RPS6KA5: variants seen among roughly 807,000 people sequenced by gnomAD.
The protein encoded by RPS6KA5 is ribosomal protein S6 kinase A5, also known as ribosomal protein S6 kinase alpha-5.
A neutral mutation model predicts 85.5 loss-of-function variants in RPS6KA5; 27 were observed. That is an observed-to-expected ratio of 0.32 (90% CI 0.23 to 0.44). RPS6KA5 has a LOEUF of 0.44. Ranked by LOEUF, RPS6KA5 falls within the 20% of genes least tolerant of loss-of-function variation. The pLI is 1.00. For missense variants in RPS6KA5, 811 were observed against 980.9 expected, an observed-to-expected ratio of 0.83 and a Z score of 2.31; for synonymous variants, 334 against 348.2, an observed-to-expected ratio of 0.96 and a Z score of 0.46.
intron 14 of RPS6KA5, among the ~76,000 whole-genome samples, chr14:90,879,036 C>T (rs2033658771): frequency 6.6e-6 from 1 of 152,186 alleles, no homozygotes; most frequent in Non-Finnish European, 1.5e-5. Flanking sequence ...AAGGTGGGGC[C>T]TTCTGTGGCA....
intron 10 of RPS6KA5, 21 bp downstream of exon 10, chr14:90,900,590 T>G (rs1243241354): frequency 6.2e-7 from 1 of 1,604,514 alleles, no homozygotes; most frequent in Non-Finnish European, 8.5e-7. Context: ...ATATGTCATA[T>G]AAGTTACCAC....
chr14:91,045,027 G>A (rs766778936), intron 1 of RPS6KA5, among the ~76,000 whole-genome samples: 11 of 152,134 alleles, frequency 7.2e-5, no homozygotes, highest in Non-Finnish European at 8.8e-5. Flanking sequence ...TTTACCCACA[G>A]CCTCCAGACA....
At chr14:91,042,533 C>T (rs2042644902) in intron 1 of RPS6KA5, among the ~76,000 whole-genome samples, 1 of 151,894 alleles carries the variant, frequency 6.6e-6, no homozygotes, top group African/African-American at 2.4e-5. Flanking sequence ...TTTTTGAAGA[C>T]CAGAATCACA....
rs796821410 is a variant in RPS6KA5, at chr14:90,853,494, C to T, written c.*18580G>A. The T allele has an allele frequency of 8.0e-6, 1 of 124,266 alleles. No homozygotes were observed. Among genetic ancestry groups the T allele is most frequent in the Non-Finnish European group, 1.6e-5 (1 of 64,328 alleles). 7.7% of individuals were successfully genotyped at this position (124,266 alleles called of 1,614,324 possible). A position where few individuals can be genotyped will look rare whatever the true frequency, so the allele number is the denominator to read the frequency against. On this transcript the variant is annotated 3_prime_UTR_variant, in exon 17 of 17. Coordinates refer to ENST00000614987, the MANE Select transcript of RPS6KA5 (RefSeq NM_004755.4). The stretch of plus-strand genomic sequence containing the variant: ...TTAAGTAACAACAATAAAAAAAAAA[C>T]CCAAAAACAAAACAAAGCATCAATG...
intron 1 of RPS6KA5, among the ~76,000 whole-genome samples, chr14:91,058,076 T>C (rs1390717041): frequency 1.3e-5 from 2 of 152,216 alleles, no homozygotes; most frequent in Non-Finnish European, 1.5e-5. Flanking sequence ...GACGGGACCA[T>C]ATCAGATCAA....
chr14:90,980,128 A>G (rs568241919), intron 2 of RPS6KA5, among the ~76,000 whole-genome samples: 2 of 152,332 alleles, frequency 1.3e-5, no homozygotes, highest in South Asian at 4.1e-4. Context: ...CAACTTTTGG[A>G]ACCTAACAAA....
intron 3 of RPS6KA5, among the ~76,000 whole-genome samples, chr14:90,952,599 T>C (rs969398324): frequency 5.9e-5 from 9 of 152,378 alleles, no homozygotes; most frequent in East Asian, 1.9e-4. Context: ...CAACAAGGCA[T>C]TGATCAAAAA....
chr14:90,872,461 C>A, intron 16 of RPS6KA5, 139 bp from the exon 17 acceptor site: 2 of 1,100,448 alleles, frequency 1.8e-6, no homozygotes, highest in Admixed American at 3.0e-5. Context: ...GCTCTTAAAA[C>A]CTTTATATCT....
chr14:90,998,125 G>A (rs145911777), intron 2 of RPS6KA5, among the ~76,000 whole-genome samples: 90 of 151,154 alleles, frequency 6.0e-4, no homozygotes, highest in African/African-American at 1.9e-3. Context: ...ACATTTGTAT[G>A]TTTACCTTTA....
intron 14 of RPS6KA5, among the ~76,000 whole-genome samples, chr14:90,886,365 T>C (rs929796038): frequency 1.1e-4 from 16 of 152,338 alleles, no homozygotes; most frequent in South Asian, 6.2e-4. Flanking sequence ...TATCCTACTT[T>C]CTCTAAATAC....
intron 1 of RPS6KA5, among the ~76,000 whole-genome samples, chr14:91,014,123 G>C (rs934357840): frequency 1.3e-5 from 2 of 152,144 alleles, no homozygotes; most frequent in African/African-American, 2.4e-5. Flanking sequence ...ATGCCAAAAA[G>C]AGTGAACTTT....
chr14:91,033,396 T>TTTG (rs997251259), intron 1 of RPS6KA5, among the ~76,000 whole-genome samples: 2 of 150,790 alleles, frequency 1.3e-5, no homozygotes, highest in African/African-American at 4.9e-5. Flanking sequence ...AGGTCAGGAG[T>TTTG]TCAAGACCAG....
chr14:90,881,281 T>C (rs1477771493), intron 14 of RPS6KA5, among the ~76,000 whole-genome samples: 2 of 151,194 alleles, frequency 1.3e-5, no homozygotes, highest in Non-Finnish European at 2.9e-5. Flanking sequence ...CGAAACCCCA[T>C]CTCTACTAAA....
At chr14:90,967,971 C>T (rs1195014286) in intron 3 of RPS6KA5, among the ~76,000 whole-genome samples, 2 of 152,242 alleles carry the variant, frequency 1.3e-5, no homozygotes, top group East Asian at 1.9e-4. Flanking sequence ...CCACTGTTCC[C>T]TTCATATTGC....
At chr14:90,895,877 C>T in intron 12 of RPS6KA5, among the ~76,000 whole-genome samples, 1 of 152,042 alleles carries the variant, frequency 6.6e-6, no homozygotes, top group East Asian at 1.9e-4. Flanking sequence ...GTGACAGAGA[C>T]CCTGTCTCAA....
chr14:90,920,083 C>A, intron 7 of RPS6KA5, 123 bp downstream of exon 7: 1 of 721,538 alleles, frequency 1.4e-6, no homozygotes. Flanking sequence ...GAAAATTTAC[C>A]ACATAAACAT....
intron 13 of RPS6KA5, among the ~76,000 whole-genome samples, chr14:90,892,978 CAT>C (rs1156930895): frequency 6.6e-6 from 1 of 152,132 alleles, no homozygotes; most frequent in Non-Finnish European, 1.5e-5. Context: ...AATTAAGCTA[CAT>C]AAGTTATCTT....
intron 1 of RPS6KA5, among the ~76,000 whole-genome samples, chr14:91,044,380 AGAAAGAAAGAAG>A (rs1402449036): frequency 0.038 from 708 of 18,636 alleles, 6 homozygotes; most frequent in African/African-American, 0.082. Context: ...AAAGAAGGAA[AGAAAGAAAGAAG>A]GAAAGAAAGA....
chr14:91,014,308 C>G (rs1371284382), intron 1 of RPS6KA5, among the ~76,000 whole-genome samples: 4 of 152,152 alleles, frequency 2.6e-5, no homozygotes, highest in East Asian at 3.9e-4. Flanking sequence ...CGAGACCATC[C>G]TAGCCAACAC....
Sources: allele counts gnomAD v4.1 joint callset (sites outside exome capture counted in the v4.1 genomes callset), GRCh38; gene constraint gnomAD v4.1.1; transcripts MANE v1.5; gene names NCBI Gene and HGNC (gene_info 2026-07-23, HGNC 2026-07-21).